ANXA4: variants seen among roughly 807,000 people sequenced by gnomAD.
ANXA4 encodes the protein 35-beta calcimedin.
A neutral mutation model predicts 49.8 loss-of-function variants in ANXA4; 39 were observed. The ratio of observed to expected loss-of-function variants is 0.78; its 90% confidence interval spans 0.61 to 1.02. The LOEUF (loss-of-function observed/expected upper bound fraction) is 1.02, where lower values mean the gene tolerates loss of function less well. Among genes scored for constraint, ANXA4 ranks in the 50% least tolerant of loss-of-function variants. The pLI is 0.00. For missense variants in ANXA4, 360 were observed against 410.1 expected (o/e 0.88, Z 1.05); for synonymous variants, 134 against 152.5 (o/e 0.88, Z 0.89).
chr2:69,692,830 G>C (rs537725953), intron 2 of ANXA4, among the ~76,000 whole-genome samples: 33 of 152,116 alleles, frequency 2.2e-4, no homozygotes, highest in Admixed American at 8.5e-4. Flanking sequence ...ATTTCCATTT[G>C]TCCAGAGATC....
rs112459606 is a variant in ANXA4, at chr2:69,717,983, T to C, written n.767-2791T>C. On this transcript the variant is annotated intron_variant and non_coding_transcript_variant, in intron 2 of 3. Transcript: ENST00000418066. ...GGGGAAACCCTGGCTAGGGAGATGC[T>C]TGATACCCTAAGGCTGTATGTCTAG... 5.9e-3 allele frequency among the ~76,000 whole-genome samples: 894 copies of C among 152,310 alleles called. 13 individuals are homozygous for C. Among genetic ancestry groups the C allele is most frequent in the African/African-American group, 0.021 (865 of 41,568 alleles).
intron 1 of ANXA4, among the ~76,000 whole-genome samples, chr2:69,768,891 C>T (rs1219694690): frequency 6.6e-6 from 1 of 152,008 alleles, no homozygotes; most frequent in Admixed American, 6.6e-5. Context: ...GCCTGAGCAA[C>T]ATAGTGAGAC....
At chr2:69,765,075 TACACACAC>T (rs61370033) in intron 1 of ANXA4, among the ~76,000 whole-genome samples, 4 of 150,078 alleles carry the variant, frequency 2.7e-5, no homozygotes, top group Non-Finnish European at 5.9e-5. Flanking sequence ...TATATGTGTA[TACACACAC>T]ACACACACAC....
At chr2:69,774,123 C>G (rs1303139952) in intron 1 of ANXA4, among the ~76,000 whole-genome samples, 2 of 151,710 alleles carry the variant, frequency 1.3e-5, no homozygotes, top group African/African-American at 4.8e-5. Context: ...TCACCCTGCC[C>G]TATGTGTTAA....
chr2:69,715,535 T>A (rs1678853610), intron 2 of ANXA4, among the ~76,000 whole-genome samples: 1 of 152,198 alleles, frequency 6.6e-6, no homozygotes. Flanking sequence ...AGGGAGATGG[T>A]CAAATATAAT....
chr2:69,654,222 G>A (rs981902909), intron 2 of ANXA4, among the ~76,000 whole-genome samples: 11 of 152,220 alleles, frequency 7.2e-5, no homozygotes, highest in Non-Finnish European at 7.4e-5. Flanking sequence ...CAATCATGTC[G>A]TCTGCAAACA....
intron 3 of ANXA4, among the ~76,000 whole-genome samples, chr2:69,725,533 T>A (rs977183287): frequency 6.6e-6 from 1 of 152,116 alleles, no homozygotes; most frequent in Non-Finnish European, 1.5e-5. Flanking sequence ...AGTGTACGGT[T>A]CAGTGAGTTT....
intron 1 of ANXA4, among the ~76,000 whole-genome samples, chr2:69,770,581 G>A (rs1476646737): frequency 1.3e-5 from 2 of 152,172 alleles, no homozygotes; most frequent in Non-Finnish European, 2.9e-5. Context: ...AGGCCGCCAA[G>A]TTGTGGTGGG....
chr2:69,816,220 AG>A, intron 9 of ANXA4, 26 bp downstream of exon 9: 3 of 1,597,422 alleles, frequency 1.9e-6, no homozygotes, highest in Non-Finnish European at 2.6e-6. Flanking sequence ...CATTTCCCAA[AG>A]AAAAGGAGTG....
intron 2 of ANXA4, among the ~76,000 whole-genome samples, chr2:69,687,884 T>C (rs879693321): frequency 2.0e-5 from 3 of 152,250 alleles, no homozygotes; most frequent in Admixed American, 1.3e-4. Flanking sequence ...AACAAATGCC[T>C]GAACATATCA....
At chr2:69,792,313 TAA>T (rs753159422) in intron 3 of ANXA4, among the ~76,000 whole-genome samples, 7 of 152,242 alleles carry the variant, frequency 4.6e-5, no homozygotes, top group Non-Finnish European at 8.8e-5. Context: ...AATCCCGTGT[TAA>T]GAGAGAAAGT....
intron 12 of ANXA4, among the ~76,000 whole-genome samples, chr2:69,824,465 T>C (rs1253029250): frequency 1.4e-5 from 2 of 147,692 alleles, no homozygotes; most frequent in African/African-American, 5.0e-5. Context: ...ATTGCACCAT[T>C]GCACTCTAGC....
At chr2:69,752,471 C>T (rs1670882584) in intron 1 of ANXA4, among the ~76,000 whole-genome samples, 1 of 152,206 alleles carries the variant, frequency 6.6e-6, no homozygotes, top group African/African-American at 2.4e-5. Context: ...CTCCTTGCTT[C>T]CCTGCTTACC....
chr2:69,719,509 G>A (rs899922540), intron 2 of ANXA4, among the ~76,000 whole-genome samples: 1 of 150,638 alleles, frequency 6.6e-6, no homozygotes, highest in East Asian at 2.0e-4. Flanking sequence ...GTGCAATCTC[G>A]GCTCATTGCA....
At chr2:69,696,601 A>G (rs1678167562) in intron 2 of ANXA4, among the ~76,000 whole-genome samples, 1 of 152,240 alleles carries the variant, frequency 6.6e-6, no homozygotes, top group African/African-American at 2.4e-5. Context: ...TACTTTGCCC[A>G]GATCCATCAG....
chr2:69,718,829 C>T (rs528361352), intron 2 of ANXA4, among the ~76,000 whole-genome samples: 1 of 152,030 alleles, frequency 6.6e-6, no homozygotes, highest in African/African-American at 2.4e-5. Flanking sequence ...CACATGCACA[C>T]ACATATACAT....
intron 1 of ANXA4, among the ~76,000 whole-genome samples, chr2:69,648,038 A>G (rs1390625281): frequency 6.6e-6 from 1 of 152,202 alleles, no homozygotes; most frequent in Non-Finnish European, 1.5e-5. Flanking sequence ...CCTGTGGTAC[A>G]CCTAAATCAT....
At chr2:69,767,685 G>A (rs755567981) in intron 1 of ANXA4, among the ~76,000 whole-genome samples, 1 of 152,122 alleles carries the variant, frequency 6.6e-6, no homozygotes, top group Non-Finnish European at 1.5e-5. Context: ...GTTTGACCGG[G>A]GCCATCTGTC....
intron 3 of ANXA4, among the ~76,000 whole-genome samples, chr2:69,726,850 T>C (rs1669974263): frequency 6.6e-6 from 1 of 152,210 alleles, no homozygotes; most frequent in South Asian, 2.1e-4. Context: ...TTCCATTATG[T>C]GACTATGCCA....
Sources: gnomAD v4.1 joint callset for allele counts (sites outside exome capture counted in the v4.1 genomes callset) on GRCh38, gnomAD v4.1.1 for gene constraint, MANE v1.5 for transcripts, NCBI Gene and HGNC (gene_info 2026-07-23, HGNC 2026-07-21) for gene names.